The following TNRC6A variants were observed in gnomAD, a reference collection of about 807,000 sequenced individuals.
TNRC6A encodes trinucleotide repeat containing adaptor 6A.
Under a neutral mutation model 221.2 loss-of-function variants are expected in TNRC6A, and 44 were observed. That is an observed-to-expected ratio of 0.20 (90% CI 0.16 to 0.26). The LOEUF is 0.26. TNRC6A is among the 10% of genes least tolerant of loss of function. TNRC6A has a pLI of 1.00. For synonymous variants in TNRC6A, 847 were observed against 838.5 expected (o/e 1.01, Z -0.18); for missense variants, 2,199 against 2,404.4 (o/e 0.91, Z 1.79).
At chr16:24,653,182 A>G (rs1228728387) in intron 2 of TNRC6A, among the ~76,000 whole-genome samples, 1 of 152,190 alleles carries the variant, frequency 6.6e-6, no homozygotes, top group Non-Finnish European at 1.5e-5. Context: ...ACCCCAACAA[A>G]GACAGCATGA....
intron 4 of TNRC6A, among the ~76,000 whole-genome samples, chr16:24,764,741 C>T (rs991408491): frequency 6.6e-6 from 1 of 152,044 alleles, no homozygotes; most frequent in Non-Finnish European, 1.5e-5. Flanking sequence ...ATTTCATTTC[C>T]TTTGGGTATA....
At chr16:24,670,073 C>G (rs1360077677) in intron 2 of TNRC6A, among the ~76,000 whole-genome samples, 3 of 150,108 alleles carry the variant, frequency 2.0e-5, no homozygotes, top group South Asian at 2.1e-4. Context: ...CCTTAGCCTC[C>G]CTAGTAGCTG....
intron 1 of TNRC6A, among the ~76,000 whole-genome samples, chr16:24,624,379 G>A (rs1319832067): frequency 6.6e-6 from 1 of 152,186 alleles, no homozygotes; most frequent in Non-Finnish European, 1.5e-5. Flanking sequence ...TGAAGAAGGA[G>A]GGCCATTTTT....
chr16:24,723,677 A>G (rs2056449255), intron 2 of TNRC6A, among the ~76,000 whole-genome samples: 1 of 151,726 alleles, frequency 6.6e-6, no homozygotes, highest in Non-Finnish European at 1.5e-5. Context: ...CCCTCACTGG[A>G]CATTCACACA....
At chr16:24,648,500 G>C (rs925469711) in intron 2 of TNRC6A, among the ~76,000 whole-genome samples, 6 of 151,846 alleles carry the variant, frequency 4.0e-5, no homozygotes, top group Non-Finnish European at 8.8e-5. Flanking sequence ...TCGATCTCCT[G>C]ACCTCATGAT....
chr16:24,695,947 C>T (rs1567364114), intron 2 of TNRC6A, among the ~76,000 whole-genome samples: 2 of 152,266 alleles, frequency 1.3e-5, no homozygotes, highest in East Asian at 1.9e-4. Context: ...TTCCCACCAG[C>T]ATTTGGCTGA....
chr16:24,687,954 C>CTT (rs770651349), intron 2 of TNRC6A, among the ~76,000 whole-genome samples: 5 of 70,622 alleles, frequency 7.1e-5, no homozygotes, highest in East Asian at 5.6e-4. Context: ...CTTTTCTTTT[C>CTT]TTTTTTTTTT....
intron 2 of TNRC6A, among the ~76,000 whole-genome samples, chr16:24,715,069 G>T (rs1265834767): frequency 6.6e-6 from 1 of 151,182 alleles, no homozygotes; most frequent in Non-Finnish European, 1.5e-5. Flanking sequence ...GTAGAGACGG[G>T]GTTTCACCGT....
intron 4 of TNRC6A, 121 bp downstream of exon 4, chr16:24,758,481 C>T: frequency 9.8e-7 from 1 of 1,024,418 alleles, no homozygotes; most frequent in Non-Finnish European, 1.5e-6. Flanking sequence ...TGGGATTAGC[C>T]TTCTTCAGTA....
chr16:24,802,158 A>C (rs2058344021), intron 11 of TNRC6A, among the ~76,000 whole-genome samples: 1 of 152,242 alleles, frequency 6.6e-6, no homozygotes, highest in East Asian at 1.9e-4. Context: ...GGTGGCAGAC[A>C]TCTCAAAGAA....
At chr16:24,806,526 A>C (rs773007920) in intron 16 of TNRC6A, 48 bp from the exon 17 acceptor site, 9 of 1,603,514 alleles carry the variant, frequency 5.6e-6, no homozygotes, top group Admixed American at 5.0e-5. Flanking sequence ...GTTTTCTGTA[A>C]AGACGTTTTC....
At chr16:24,695,087 G>A (rs972425095) in intron 2 of TNRC6A, among the ~76,000 whole-genome samples, 4 of 152,108 alleles carry the variant, frequency 2.6e-5, no homozygotes, top group African/African-American at 4.8e-5. Flanking sequence ...TTGCTGGCAC[G>A]GGAGTGTACT....
intron 2 of TNRC6A, among the ~76,000 whole-genome samples, chr16:24,697,515 T>C (rs1233871187): frequency 6.6e-6 from 1 of 151,632 alleles, no homozygotes; most frequent in African/African-American, 2.4e-5. Flanking sequence ...TGAAACTCTG[T>C]CTCTACTAAA....
chr16:24,751,376 G>A (rs1415059461), intron 3 of TNRC6A, among the ~76,000 whole-genome samples: 1 of 152,158 alleles, frequency 6.6e-6, no homozygotes, highest in Admixed American at 6.6e-5. Flanking sequence ...AAAGTGTGCA[G>A]TGTACATTAG....
intron 2 of TNRC6A, among the ~76,000 whole-genome samples, chr16:24,740,595 C>G (rs552330626): frequency 1.3e-4 from 20 of 152,040 alleles, no homozygotes; most frequent in African/African-American, 4.6e-4. Flanking sequence ...TTTGGGTTGT[C>G]CACTGCTACT....
At chr16:24,649,846 A>C (rs1227416639) in intron 2 of TNRC6A, among the ~76,000 whole-genome samples, 4 of 68,822 alleles carry the variant, frequency 5.8e-5, no homozygotes, top group Admixed American at 2.3e-4. Context: ...TTTTTTTTGG[A>C]GATGGAACCT....
intron 5 of TNRC6A, among the ~76,000 whole-genome samples, chr16:24,785,343 G>A (rs2057943157): frequency 6.6e-6 from 1 of 152,150 alleles, no homozygotes; most frequent in African/African-American, 2.4e-5. Context: ...TTAGAGCATT[G>A]TTACACCTTC....
At chr16:24,635,489 G>C (rs1901593976) in intron 1 of TNRC6A, among the ~76,000 whole-genome samples, 1 of 151,864 alleles carries the variant, frequency 6.6e-6, no homozygotes, top group Non-Finnish European at 1.5e-5. Context: ...CACCATGTTG[G>C]CCAGGCTGGT....
chr16:24,778,141 C>T (rs953257401), intron 5 of TNRC6A, among the ~76,000 whole-genome samples: 7 of 152,150 alleles, frequency 4.6e-5, no homozygotes, highest in African/African-American at 1.7e-4. Context: ...AAGGAAGTCT[C>T]TAGAATCAGA....
Sources: allele counts gnomAD v4.1 joint callset (sites outside exome capture counted in the v4.1 genomes callset), GRCh38; gene constraint gnomAD v4.1.1; transcripts MANE v1.5; gene names NCBI Gene and HGNC (gene_info 2026-07-23, HGNC 2026-07-21).